Variants in ATF7IP observed in about 807,000 individuals in gnomAD.
ATF7IP encodes activating transcription factor 7-interacting protein 1.
ATF7IP carries 23 observed loss-of-function variants against 106.4 expected under a neutral mutation model. The observed-to-expected ratio is 0.22, with a 90% CI of 0.16 to 0.31. The LOEUF (loss-of-function observed/expected upper bound fraction) is 0.31. Ranked by LOEUF, ATF7IP falls within the 10% of genes least tolerant of loss-of-function variation. The pLI, the probability that ATF7IP is intolerant of heterozygous loss-of-function variation, is 1.00. For missense variants in ATF7IP, 1,334 were observed against 1,524.3 expected, an observed-to-expected ratio of 0.88 and a Z score of 2.08; for synonymous variants, 542 against 539.0, an observed-to-expected ratio of 1.01 and a Z score of -0.08.
In ATF7IP at chr12:14,478,451, A is replaced by G. The variant is rs934545657; in HGVS notation, c.3076A>G (p.Thr1026Ala). Residue 1026 changes from threonine to alanine, a missense_variant, in exon 12 of 15, where the codon ACC becomes GCC. Physicochemically the swap from Thr to Ala is moderately conservative, Grantham distance 58. This residue lies in a region of ATF7IP where 370 missense variants were observed against 401.2 expected (regional missense o/e 0.92). Coordinates refer to ENST00000261168, the MANE Select transcript of ATF7IP (RefSeq NM_018179.5). Reference sequence around the variant, plus strand: ...GCCAACAAGTGGACCATCTCAGACCACCATACACTTACTACCTACAGGTAA... The same window carrying G: ...GCCAACAAGTGGACCATCTCAGACCGCCATACACTTACTACCTACAGGTAA... ...GVPTSGPSQT[T>A]IHLLPTAPTT... The G allele has an allele frequency of 6.2e-7, 1 of 1,613,878 alleles. No homozygotes were observed. Among genetic ancestry groups the G allele is most frequent in the African/African-American group, 1.3e-5 (1 of 74,898 alleles).
chr12:14,425,193 T>C lies in ATF7IP; in HGVS notation c.1278T>C (p.Asn426=). 1.3e-6 allele frequency: 2 copies of C among 1,597,470 alleles called. No homozygotes were observed. Among genetic ancestry groups the C allele is most frequent in the South Asian group, 2.3e-5 (2 of 87,212 alleles). Residue 426 remains asparagine, a synonymous_variant, in exon 2 of 15, where the codon AAT becomes AAC. Transcript: ENST00000261168. ...ACAAAAGTGAGAATATCTTAGAAAA[T>C]ACAGACTCTATGGAGACAGATGAAA... ...EDNKSENILE[N]TDSMETDEII... is the part of the protein sequence containing the mutation.
At chr12:14,388,548 T>G (rs1591773074) in intron 1 of ATF7IP, among the ~76,000 whole-genome samples, 1 of 152,148 alleles carries the variant, frequency 6.6e-6, no homozygotes, top group Non-Finnish European at 1.5e-5. Context: ...GGTTTCATTA[T>G]GTTGGCTAGG....
At chr12:14,369,968 G>A (rs554789208) in intron 1 of ATF7IP, among the ~76,000 whole-genome samples, 10 of 145,120 alleles carry the variant, frequency 6.9e-5, no homozygotes, top group Admixed American at 2.8e-4. Context: ...ATGGAGTTTC[G>A]CCCTTGTTGC....
At chr12:14,366,486 G>C in intron 1 of ATF7IP, among the ~76,000 whole-genome samples, 1 of 152,212 alleles carries the variant, frequency 6.6e-6, no homozygotes, top group Non-Finnish European at 1.5e-5. Context: ...AATATTGGGG[G>C]AACGGGAATA....
intron 1 of ATF7IP, among the ~76,000 whole-genome samples, chr12:14,383,496 T>A (rs1481688671): frequency 6.6e-6 from 1 of 152,192 alleles, no homozygotes; most frequent in East Asian, 1.9e-4. Context: ...ATTCCAGTGC[T>A]ACAGTAATAT....
intron 7 of ATF7IP, 123 bp from the exon 8 acceptor site, chr12:14,457,084 G>A (rs958038613): frequency 3.4e-5 from 26 of 765,642 alleles, no homozygotes; most frequent in East Asian, 2.5e-4. Flanking sequence ...TTGCAGTTTA[G>A]GATTGTGAAA....
At chr12:14,399,884 A>G (rs1338861714) in intron 1 of ATF7IP, among the ~76,000 whole-genome samples, 1 of 152,094 alleles carries the variant, frequency 6.6e-6, no homozygotes, top group African/African-American at 2.4e-5. Flanking sequence ...CTGGATGCTG[A>G]TGGTTCAGGT....
rs1943462104 is a variant in ATF7IP at position 14,457,216 on chromosome 12, C to G, written c.2079C>G (p.Gly693=). 2 of 1,612,830 alleles carry G rather than the reference C, an allele frequency of 1.2e-6. No individual in the cohort carries two copies. The highest frequency in any genetic ancestry group is 4.5e-5 in the East Asian group (2 of 44,832). ...SNNNMSYRNA[G]TVRQMLESKR... is the part of the protein sequence containing the mutation. Reference sequence around the variant, plus strand: ...TATATGTATTTCATAGAAATGCAGGCACAGTGAGACAGATGCTGGAGTCCA... The same window carrying G: ...TATATGTATTTCATAGAAATGCAGGGACAGTGAGACAGATGCTGGAGTCCA... Residue 693 remains glycine (G), a synonymous_variant, in exon 8 of 15, where the codon GGC becomes GGG. Transcript: ENST00000261168.
chr12:14,431,692 C>T (rs1222801494), intron 2 of ATF7IP, among the ~76,000 whole-genome samples: 3 of 152,006 alleles, frequency 2.0e-5, no homozygotes, highest in East Asian at 3.9e-4. Flanking sequence ...CCACACCCGG[C>T]AGTAAAAAAG....
At chr12:14,446,167 A>T (rs1000582100) in intron 5 of ATF7IP, among the ~76,000 whole-genome samples, 1 of 150,786 alleles carries the variant, frequency 6.6e-6, no homozygotes, top group Admixed American at 6.6e-5. Context: ...TTTTTTTTTG[A>T]GACAGAGTCT....
At chr12:14,438,065 T>C (rs1485770792) in intron 4 of ATF7IP, 65 bp from the exon 5 acceptor site, 1 of 1,498,670 alleles carries the variant, frequency 6.7e-7, no homozygotes, top group Non-Finnish European at 9.1e-7. Flanking sequence ...AAAAAAAGAA[T>C]ATTTACTGTT....
chr12:14,421,671 T>C (rs1313005712), intron 1 of ATF7IP, among the ~76,000 whole-genome samples: 1 of 152,200 alleles, frequency 6.6e-6, no homozygotes, highest in South Asian at 2.1e-4. Flanking sequence ...GGTCACATTC[T>C]GAGGTACTGG....
At position 14,498,974 on chromosome 12, in the gene ATF7IP, T is replaced by G. The variant is rs1412108180; in HGVS notation, c.*901T>G. The G allele has an allele frequency of 1.3e-5, 2 of 152,142 alleles. No individual in the cohort carries two copies. The highest frequency in any genetic ancestry group is 4.8e-5 in the African/African-American group (2 of 41,386). 9.4% of individuals were successfully genotyped at this position (152,142 alleles called of 1,614,324 possible). A position where few individuals can be genotyped will look rare whatever the true frequency, so the allele number is the denominator to read the frequency against. On this transcript the variant is annotated 3_prime_UTR_variant, in exon 15 of 15. Coordinates refer to ENST00000261168, the MANE Select transcript of ATF7IP (RefSeq NM_018179.5). ...CAATTCTTCTGTCTCAGCCCCAGAG[T>G]AGCTGGGATTACAGGCACCTGTCAC...
intron 13 of ATF7IP, among the ~76,000 whole-genome samples, chr12:14,483,180 C>A (rs2111938): frequency 0.02 from 3,092 of 152,250 alleles, 33 homozygotes; most frequent in Middle Eastern, 0.031. Context: ...CTCAGCTGGT[C>A]GTGGTTTATT....
chr12:14,494,332 T>TATATATATATTC (rs1158646205), intron 13 of ATF7IP, among the ~76,000 whole-genome samples: 10 of 115,760 alleles, frequency 8.6e-5, no homozygotes, highest in Non-Finnish European at 1.3e-4. Flanking sequence ...TATATATATA[T>TATATATATATTC]ATGTGTGTGT....
At chr12:14,385,413 T>C in intron 1 of ATF7IP, 1 of 1,532,026 alleles carries the variant, frequency 6.5e-7, no homozygotes, top group Non-Finnish European at 8.7e-7. Flanking sequence ...AAGAACCAAT[T>C]ACTCTTTTAT....
intron 1 of ATF7IP, among the ~76,000 whole-genome samples, chr12:14,378,132 C>G (rs1258454356): frequency 7.2e-6 from 1 of 138,208 alleles, no homozygotes; most frequent in Non-Finnish European, 1.5e-5. Flanking sequence ...GAATCTTGCT[C>G]TGTCGCCCAG....
chr12:14,397,059 G>A (rs1939890506), intron 1 of ATF7IP, among the ~76,000 whole-genome samples: 2 of 152,182 alleles, frequency 1.3e-5, no homozygotes. Flanking sequence ...CTACTTGGGA[G>A]GCTGAGGCAG....
chr12:14,464,559 A>G (rs1943757383), intron 9 of ATF7IP, among the ~76,000 whole-genome samples: 1 of 152,204 alleles, frequency 6.6e-6, no homozygotes, highest in Non-Finnish European at 1.5e-5. Context: ...TTTAAGCTAT[A>G]ATTTCTTATT....
Sources: allele counts gnomAD v4.1 joint callset (sites outside exome capture counted in the v4.1 genomes callset), GRCh38; gene constraint gnomAD v4.1.1; regional missense constraint gnomAD v4.1.1; transcripts MANE v1.5; gene names NCBI Gene and HGNC (gene_info 2026-07-23, HGNC 2026-07-21).